Variants in ABCC8 observed in about 807,000 individuals in gnomAD.
ABCC8 encodes ATP binding cassette subfamily C member 8, also known as ATP-binding cassette sub-family C member 8.
ABCC8 carries 137 observed loss-of-function variants against 188.0 expected under a neutral mutation model. That is an observed-to-expected ratio of 0.73 (90% CI 0.63 to 0.84). ABCC8 has a LOEUF of 0.84. Among genes scored for constraint, ABCC8 ranks in the 40% least tolerant of loss-of-function variants. The pLI is 0.00. For missense variants in ABCC8, 1,750 were observed against 2,072.7 expected (o/e 0.84, Z 3.02); for synonymous variants, 797 against 846.5 (o/e 0.94, Z 1.01).
Position 17,406,744 on chromosome 11 carries a change from C to A in ABCC8, c.3207G>T (p.Val1069=), listed in dbSNP as rs772216095. 1 of 1,614,120 alleles carries A rather than the reference C, an allele frequency of 6.2e-7. No individual in the cohort carries two copies. Among genetic ancestry groups the A allele is most frequent in the Non-Finnish European group, 8.5e-7 (1 of 1,180,054 alleles). ...DQTVYAMVFT[V]LCSLGIVLCL... ...ACAGCACAATGCCCAGGCTGCAGAG[C>A]ACCGTGAACACCATGGCATAGACAG... The change falls in exon 26 of 39, where the codon GTG becomes GTT. Residue 1069 remains valine, a synonymous_variant. Coordinates refer to ENST00000389817, the MANE Select transcript of ABCC8 (RefSeq NM_000352.6).
At chr11:17,407,978 G>C (rs1954623382) in intron 23 of ABCC8, among the ~76,000 whole-genome samples, 1 of 152,202 alleles carries the variant, frequency 6.6e-6, no homozygotes, top group Admixed American at 6.5e-5. Flanking sequence ...GAGGGGAGCA[G>C]AGTCAAGAGA....
rs761882439 is a variant in ABCC8 at position 17,408,360 on chromosome 11, G to A, written c.2820+32C>T. ...TCTAGCAGAACCTTTGCATCCAGGG[G>A]TGGCTGCTTGGCCATCCCTGGATAT... is the stretch of plus-strand genomic sequence containing the variant. On this transcript the variant is annotated intron_variant, in intron 23 of 38. Coordinates refer to ENST00000389817, the MANE Select transcript of ABCC8 (RefSeq NM_000352.6). 2.2e-5 allele frequency: 35 copies of A among 1,596,968 alleles called. No homozygotes were observed. The South Asian group carries it at 3.5e-4, about 16-fold the overall frequency.
At chr11:17,392,871 C>G, downstream of ABCC8, 1 of 1,281,692 alleles carries the variant, frequency 7.8e-7, no homozygotes, top group Non-Finnish European at 1.1e-6. Context: ...GCCCACCAGA[C>G]TTAGGGCCTC....
chr11:17,467,946 G>T (rs1848261399), intron 3 of ABCC8, among the ~76,000 whole-genome samples: 1 of 152,250 alleles, frequency 6.6e-6, no homozygotes, highest in African/African-American at 2.4e-5. Flanking sequence ...GTTTGCTGGA[G>T]AATGAGAAAA....
chr11:17,393,654 T>C (rs762377940), intron 38 of ABCC8, 43 bp downstream of exon 38: 2 of 1,613,702 alleles, frequency 1.2e-6, no homozygotes, highest in Admixed American at 3.3e-5. Flanking sequence ...AGGCCAGTCC[T>C]GTCCCTGGGT....
chr11:17,476,277 G>T (rs542242088), intron 1 of ABCC8, among the ~76,000 whole-genome samples: 3 of 152,330 alleles, frequency 2.0e-5, no homozygotes, highest in East Asian at 1.9e-4. Context: ...CCTAAGCTGC[G>T]CCACGGAGGG....
At position 17,397,027 on chromosome 11, in the gene ABCC8, C is replaced by G. The variant is rs67767715; in HGVS notation, c.4008G>C (p.Lys1336Asn). The G allele has an allele frequency of 3.3e-5, 54 of 1,614,056 alleles. No individual in the cohort carries two copies. Among genetic ancestry groups the G allele is most frequent in the Non-Finnish European group, 4.6e-5 (54 of 1,180,010 alleles). ...EGLLAPSLIP[K>N]NWPDQGKIQI... is the part of the protein sequence containing the mutation. ...GGATCTTCCCTTGGTCTGGCCAGTT[C>G]TTTGGGATCAGCGATGGTGCTGGGG... Residue 1336 changes from lysine to asparagine, a missense_variant, in exon 33 of 39, where the codon AAG becomes AAC. Transcript: ENST00000389817.
chr11:17,444,627 G>A (rs1390561502), intron 8 of ABCC8, among the ~76,000 whole-genome samples: 1 of 152,162 alleles, frequency 6.6e-6, no homozygotes, highest in Admixed American at 6.5e-5. Flanking sequence ...GGTCTGAATG[G>A]CCCTCATGCA....
intron 18 of ABCC8, 111 bp from the exon 19 acceptor site, chr11:17,414,721 G>A (rs962982474): frequency 1.3e-6 from 2 of 1,555,654 alleles, no homozygotes; most frequent in African/African-American, 1.4e-5. Flanking sequence ...ATGGGGAGGT[G>A]CAGTTGGTAG....
chr11:17,415,416 C>T, intron 17 of ABCC8, 77 bp from the exon 18 acceptor site: 1 of 1,568,518 alleles, frequency 6.4e-7, no homozygotes, highest in Non-Finnish European at 8.6e-7. Context: ...TGAGCTCCCT[C>T]CAACCCAACA....
At chr11:17,461,884 T>G in intron 4 of ABCC8, 59 bp from the exon 5 acceptor site, 1 of 1,608,354 alleles carries the variant, frequency 6.2e-7, no homozygotes, top group Non-Finnish European at 8.5e-7. Flanking sequence ...ACTCCCTACC[T>G]TGCCCCAGCA....
At chr11:17,435,160 T>C (rs1313609805) in intron 10 of ABCC8, among the ~76,000 whole-genome samples, 1 of 152,176 alleles carries the variant, frequency 6.6e-6, no homozygotes, top group Non-Finnish European at 1.5e-5. Context: ...CTAGCTGGGA[T>C]AGACTAATTC....
chr11:17,432,086 G>T (rs1955872544), intron 11 of ABCC8, 118 bp downstream of exon 11: 5 of 1,345,578 alleles, frequency 3.7e-6, no homozygotes, highest in Non-Finnish European at 5.1e-6. Context: ...TTTCAGTCTG[G>T]CTGTGGAGCC....
At chr11:17,434,125 A>G (rs1394151434) in intron 10 of ABCC8, among the ~76,000 whole-genome samples, 1 of 152,122 alleles carries the variant, frequency 6.6e-6, no homozygotes, top group African/African-American at 2.4e-5. Flanking sequence ...CCCCTCCCCT[A>G]TGGGGTCAGT....
rs112019394 is a variant in ABCC8 at position 17,444,021 on chromosome 11, A to AAGAGAGAG, written c.1333-717_1333-710dup. Reference sequence around the variant, plus strand: ...AGATGTGCTGGCTTCCTTAGCTAAAAAGAGAGAGAGAGAGAGAAAGGACTG... The same window carrying AAGAGAGAG: ...AGATGTGCTGGCTTCCTTAGCTAAAAAGAGAGAGAGAGAGAGAGAGAGAGAAAGGACTG... On this transcript the variant is annotated intron_variant, in intron 8 of 38. Transcript: ENST00000389817. 0.012 allele frequency among the ~76,000 whole-genome samples: 1,863 copies of AAGAGAGAG among 150,946 alleles called. 25 individuals are homozygous for AAGAGAGAG. Among genetic ancestry groups the AAGAGAGAG allele is most frequent in the African/African-American group, 0.042 (1,725 of 41,312 alleles).
chr11:17,463,164 C>G (rs1170082941), intron 4 of ABCC8, among the ~76,000 whole-genome samples: 1 of 152,186 alleles, frequency 6.6e-6, no homozygotes, highest in Non-Finnish European at 1.5e-5. Flanking sequence ...TGATGCTTAT[C>G]TTCCCTTTCT....
At chr11:17,394,519 G>T in intron 36 of ABCC8, 120 bp from the exon 37 acceptor site, 9 of 1,530,722 alleles carry the variant, frequency 5.9e-6, no homozygotes, top group Non-Finnish European at 8.0e-6. Flanking sequence ...AGGTGGGTGT[G>T]TGTCCAAGAG....
Position 17,412,696 on chromosome 11 carries a change from G to T in ABCC8, c.2526C>A (p.Ala842=), listed in dbSNP as rs760401293. 19 of 1,612,126 alleles carry T rather than the reference G, an allele frequency of 1.2e-5. No homozygotes were observed. The South Asian group carries it at 1.9e-4, about 16-fold the overall frequency. The change falls in exon 21 of 39, where the codon GCC becomes GCA. Residue 842 remains alanine, a synonymous_variant. Coordinates refer to ENST00000389817, the MANE Select transcript of ABCC8 (RefSeq NM_000352.6). ...GQRQRISVAR[A]LYQHANVVFL... ...AGACAACGTTGGCGTGCTGGTAGAG[G>T]GCTCGGGCCACACTGATTCGCTGGC...
chr11:17,425,646 G>A (rs1408114803), intron 16 of ABCC8, among the ~76,000 whole-genome samples: 1 of 152,030 alleles, frequency 6.6e-6, no homozygotes, highest in Non-Finnish European at 1.5e-5. Context: ...TCATTTCTCA[G>A]TTCCTATTTT....
Sources: gnomAD v4.1 joint callset for allele counts (sites outside exome capture counted in the v4.1 genomes callset) on GRCh38, gnomAD v4.1.1 for gene constraint, MANE v1.5 for transcripts, NCBI Gene and HGNC (gene_info 2026-07-23, HGNC 2026-07-21) for gene names.